LRFN2: variants seen among roughly 807,000 people sequenced by gnomAD.
The protein encoded by LRFN2 is leucine-rich repeat and fibronectin type-III domain-containing protein 2.
In LRFN2, 18 loss-of-function variants were observed where a neutral mutation model predicts 37.3. That is an observed-to-expected ratio of 0.48 (90% confidence interval 0.33 to 0.72). The LOEUF is 0.72. Among genes scored for constraint, LRFN2 ranks in the 30% least tolerant of loss-of-function variants. LRFN2 has a pLI of 0.02. For synonymous variants in LRFN2, 556 were observed against 466.6 expected, an observed-to-expected ratio of 1.19 and a Z score of -2.47; for missense variants, 1,006 against 1,060.7, an observed-to-expected ratio of 0.95 and a Z score of 0.72.
Position 40,391,788 on chromosome 6 carries a change from G to C in LRFN2, c.*155C>G. The C allele has an allele frequency of 1.5e-6, 1 of 677,622 alleles. No individual in the cohort carries two copies. The highest frequency in any genetic ancestry group is 3.2e-5 in the South Asian group (1 of 31,300). The allele number at this position is 677,622 out of a possible 1,614,324, so 42.0% of individuals were successfully genotyped here. A position where few individuals can be genotyped will look rare whatever the true frequency, so the allele number is the denominator to read the frequency against. ...CGGGTGGTGGGGAGGTGATGTGGGT[G>C]TTGCGGGGTAGGGGGGGACACGAGG... is the stretch of plus-strand genomic sequence containing the variant. On this transcript the variant is annotated 3_prime_UTR_variant, in exon 3 of 3. Coordinates refer to ENST00000338305, the MANE Select transcript of LRFN2 (RefSeq NM_020737.3).
At chr6:40,464,073 A>G (rs928794252) in intron 1 of LRFN2, among the ~76,000 whole-genome samples, 2 of 152,138 alleles carry the variant, frequency 1.3e-5, no homozygotes, top group African/African-American at 2.4e-5. Flanking sequence ...GCCCCATTCT[A>G]GACTGTGTTC....
intron 1 of LRFN2, among the ~76,000 whole-genome samples, chr6:40,466,264 T>A (rs887694311): frequency 2.0e-5 from 3 of 151,952 alleles, no homozygotes; most frequent in African/African-American, 7.3e-5. Context: ...GCAGCAAGGA[T>A]AAAGGGAGGG....
chr6:40,435,242 C>A (rs1763637151), intron 1 of LRFN2, among the ~76,000 whole-genome samples: 1 of 149,400 alleles, frequency 6.7e-6, no homozygotes, highest in Non-Finnish European at 1.5e-5. Flanking sequence ...TTCATGACAG[C>A]CTGAAACTCC....
intron 1 of LRFN2, among the ~76,000 whole-genome samples, chr6:40,582,669 A>C (rs73421020): frequency 0.071 from 10,728 of 150,604 alleles, 446 homozygotes; most frequent in African/African-American, 0.1. Flanking sequence ...CAGGGCCCCC[A>C]TACCTTCTAT....
At chr6:40,523,641 C>A (rs1360335963) in intron 1 of LRFN2, among the ~76,000 whole-genome samples, 2 of 151,656 alleles carry the variant, frequency 1.3e-5, no homozygotes, top group Non-Finnish European at 2.9e-5. Flanking sequence ...TGGGCAGGAA[C>A]TGGCATGCAT....
intron 1 of LRFN2, among the ~76,000 whole-genome samples, chr6:40,557,284 G>T (rs915684396): frequency 2.6e-5 from 4 of 152,324 alleles, no homozygotes; most frequent in South Asian, 2.1e-4. Flanking sequence ...CATCTGACCA[G>T]CAGAAATGAT....
Position 40,580,406 on chromosome 6 carries a change from CT to C in LRFN2, c.-19+6534del, listed in dbSNP as rs553431632. Among the ~76,000 whole-genome samples the C allele has an allele frequency of 4.4e-4, 66 of 151,356 alleles. 3 individuals are homozygous for C. In the South Asian group the frequency reaches 0.013, roughly 30 times the overall value. ...ACCCTTTGTCTGTGTGTGAATCTCC[CT>C]GGTCCTTAGTTTCCCATCTTTAACC... On this transcript the variant is annotated intron_variant, in intron 1 of 2. Transcript: ENST00000338305.
At chr6:40,439,779 A>G (rs538623763) in intron 1 of LRFN2, among the ~76,000 whole-genome samples, 2 of 152,340 alleles carry the variant, frequency 1.3e-5, no homozygotes, top group African/African-American at 4.8e-5. Context: ...AGCAGGCTCA[A>G]TGAGTGTGTG....
chr6:40,494,982 G>A (rs1278172551), intron 1 of LRFN2, among the ~76,000 whole-genome samples: 1 of 152,118 alleles, frequency 6.6e-6, no homozygotes, highest in Non-Finnish European at 1.5e-5. Flanking sequence ...CCCCAACCCT[G>A]GTTAAACCCA....
Position 40,516,047 on chromosome 6 carries a change from T to G in LRFN2, c.-19+70894A>C, listed in dbSNP as rs376144543. ...CAGTTGCCACCAGGGATAGGTGGCT[T>G]GAAAACCTGCCCTTTGTGGGCTGCC... is the stretch of plus-strand genomic sequence containing the variant. On this transcript the variant is annotated intron_variant, in intron 1 of 2. Transcript: ENST00000338305. Among the ~76,000 whole-genome samples the G allele has an allele frequency of 9.2e-5, 14 of 152,258 alleles. No homozygotes were observed. In the East Asian group the frequency reaches 1.4e-3, roughly 15 times the overall value.
chr6:40,440,360 C>T (rs754645717), intron 1 of LRFN2, among the ~76,000 whole-genome samples: 3 of 152,118 alleles, frequency 2.0e-5, no homozygotes, highest in Non-Finnish European at 4.4e-5. Context: ...TGCCTTCTAC[C>T]CTTGTGCACC....
At chr6:40,440,091 C>T (rs1763795749) in intron 1 of LRFN2, among the ~76,000 whole-genome samples, 1 of 151,898 alleles carries the variant, frequency 6.6e-6, no homozygotes, top group African/African-American at 2.4e-5. Flanking sequence ...TCTTCATAAA[C>T]CCGATAAAAA....
intron 2 of LRFN2, among the ~76,000 whole-genome samples, chr6:40,403,664 C>A (rs969275339): frequency 6.6e-6 from 1 of 152,216 alleles, no homozygotes; most frequent in Non-Finnish European, 1.5e-5. Flanking sequence ...CGCAAGACAG[C>A]AGGCAGGGTT....
At chr6:40,560,298 G>T (rs1289546134) in intron 1 of LRFN2, among the ~76,000 whole-genome samples, 1 of 152,146 alleles carries the variant, frequency 6.6e-6, no homozygotes, top group Non-Finnish European at 1.5e-5. Flanking sequence ...CCTTTTCAGG[G>T]ATCATGTGTT....
intron 1 of LRFN2, among the ~76,000 whole-genome samples, chr6:40,437,962 G>A (rs913282975): frequency 1.3e-5 from 2 of 152,214 alleles, no homozygotes; most frequent in African/African-American, 4.8e-5. Context: ...AGAGATAAAT[G>A]AAAGTGGGCA....
At chr6:40,413,531 C>T (rs1015694787) in intron 2 of LRFN2, among the ~76,000 whole-genome samples, 1 of 152,216 alleles carries the variant, frequency 6.6e-6, no homozygotes, top group Non-Finnish European at 1.5e-5. Flanking sequence ...GACCCGGTTT[C>T]CTTTCAGTCT....
chr6:40,451,618 A>T (rs1415472051), intron 1 of LRFN2, among the ~76,000 whole-genome samples: 1 of 152,194 alleles, frequency 6.6e-6, no homozygotes, highest in African/African-American at 2.4e-5. Flanking sequence ...GAGAGCAGAC[A>T]TTTCATTACT....
chr6:40,399,048 A>G (rs6901268), intron 2 of LRFN2, among the ~76,000 whole-genome samples: 14,370 of 151,904 alleles, frequency 0.095, 1,087 homozygotes, highest in Middle Eastern at 0.25. Flanking sequence ...GAGTTGGCCA[A>G]TGGAGGCACT....
chr6:40,540,963 C>T (rs967249024), intron 1 of LRFN2, among the ~76,000 whole-genome samples: 1 of 152,184 alleles, frequency 6.6e-6, no homozygotes, highest in Non-Finnish European at 1.5e-5. Context: ...TGAGATGTGC[C>T]CCCGGCAAAG....
Sources: gnomAD v4.1 joint callset for allele counts (sites outside exome capture counted in the v4.1 genomes callset) on GRCh38, gnomAD v4.1.1 for gene constraint, MANE v1.5 for transcripts, NCBI Gene and HGNC (gene_info 2026-07-23, HGNC 2026-07-21) for gene names.